Variants in KCNJ10 observed in about 807,000 individuals in gnomAD.
KCNJ10 encodes ATP-sensitive inward rectifier potassium channel 10.
A neutral mutation model predicts 22.2 loss-of-function variants in KCNJ10; 9 were observed. That is an observed-to-expected ratio of 0.40 (90% CI 0.24 to 0.71). KCNJ10 has a LOEUF of 0.71. Ranked by LOEUF, KCNJ10 falls within the 30% of genes least tolerant of loss-of-function variation. KCNJ10 has a pLI of 0.35. For synonymous variants in KCNJ10, 184 were observed against 187.3 expected, an observed-to-expected ratio of 0.98 and a Z score of 0.15; for missense variants, 337 against 482.7, an observed-to-expected ratio of 0.70 and a Z score of 2.83.
chr1:160,049,717 A>ATATATG (rs1648855576), intron 1 of KCNJ10, among the ~76,000 whole-genome samples: 1 of 113,778 alleles, frequency 8.8e-6, no homozygotes, highest in African/African-American at 3.4e-5. Flanking sequence ...ATATATATAT[A>ATATATG]TATGTTATCC....
chr1:160,067,767 G>T (rs1649355094), intron 1 of KCNJ10: 1 of 152,170 alleles, frequency 6.6e-6, no homozygotes, highest in Admixed American at 6.5e-5. Flanking sequence ...TTTCCATCTT[G>T]TGTGCAGAAA....
intron 1 of KCNJ10, among the ~76,000 whole-genome samples, chr1:160,043,949 C>T (rs577339765): frequency 6.6e-6 from 1 of 152,286 alleles, no homozygotes; most frequent in East Asian, 1.9e-4. Flanking sequence ...GGAGTTTAGC[C>T]CTTCTTGGAG....
At chr1:160,068,821 G>T (rs1028212864) in intron 1 of KCNJ10, among the ~76,000 whole-genome samples, 12 of 152,174 alleles carry the variant, frequency 7.9e-5, no homozygotes, top group African/African-American at 2.9e-4. Flanking sequence ...ACTCACTGGT[G>T]GCTGCCCACC....
Position 160,039,393 on chromosome 1 carries a change from CA to C in KCNJ10, c.*1999del. 1 of 150,546 alleles carries C rather than the reference CA, an allele frequency of 6.6e-6. No individual in the cohort carries two copies. Among genetic ancestry groups the C allele is most frequent in the African/African-American group, 2.5e-5 (1 of 39,366 alleles). 9.3% of individuals were successfully genotyped at this position (150,546 alleles called of 1,614,324 possible). A position where few individuals can be genotyped will look rare whatever the true frequency, so the allele number is the denominator to read the frequency against. ...GTATAGACACACACACACACACACA[CA>C]CACACACACACACACACACACACAC... On this transcript the variant is annotated 3_prime_UTR_variant, in exon 2 of 2. Transcript: ENST00000644903.
chr1:160,058,808 C>T (rs1024678246), intron 1 of KCNJ10, among the ~76,000 whole-genome samples: 1 of 152,228 alleles, frequency 6.6e-6, no homozygotes, highest in Admixed American at 6.5e-5. Context: ...CAAAACCTCT[C>T]GGTTCTTGAA....
At chr1:160,052,150 C>T (rs189231645) in intron 1 of KCNJ10, among the ~76,000 whole-genome samples, 38 of 152,282 alleles carry the variant, frequency 2.5e-4, no homozygotes, top group African/African-American at 8.4e-4. Context: ...AGAAAAGAGC[C>T]TTTTGATTGA....
At chr1:160,069,524 C>T (rs1371708505) in intron 1 of KCNJ10, among the ~76,000 whole-genome samples, 3 of 152,094 alleles carry the variant, frequency 2.0e-5, no homozygotes, top group Admixed American at 2.0e-4. Flanking sequence ...GCTTTGGTGG[C>T]TCCCCGGTTT....
chr1:160,063,013 G>A (rs979511486), intron 1 of KCNJ10, among the ~76,000 whole-genome samples: 4 of 152,188 alleles, frequency 2.6e-5, no homozygotes, highest in Admixed American at 1.3e-4. Context: ...GGTGGAGCTG[G>A]AAGCCCAGCT....
chr1:160,049,143 G>A (rs1428128382), intron 1 of KCNJ10, among the ~76,000 whole-genome samples: 5 of 152,124 alleles, frequency 3.3e-5, no homozygotes, highest in South Asian at 2.1e-4. Flanking sequence ...CCCAGGTCCC[G>A]TCTCCCAAAT....
chr1:160,043,595 G>A (rs960441971), intron 1 of KCNJ10, among the ~76,000 whole-genome samples: 1 of 152,200 alleles, frequency 6.6e-6, no homozygotes, highest in African/African-American at 2.4e-5. Flanking sequence ...GAAACAACAT[G>A]TTAAAACTTC....
intron 1 of KCNJ10, among the ~76,000 whole-genome samples, chr1:160,066,878 T>A (rs1331334514): frequency 6.6e-6 from 1 of 152,176 alleles, no homozygotes; most frequent in Non-Finnish European, 1.5e-5. Flanking sequence ...GTTTTTTTGG[T>A]CCAGAAAGTG....
intron 1 of KCNJ10, among the ~76,000 whole-genome samples, chr1:160,042,810 G>A (rs1478749460): frequency 2.6e-5 from 4 of 151,870 alleles, no homozygotes; most frequent in Non-Finnish European, 2.9e-5. Context: ...GGTGGCATGC[G>A]CCTGTAGTCC....
At chr1:160,063,095 C>T (rs1649240671) in intron 1 of KCNJ10, among the ~76,000 whole-genome samples, 1 of 152,186 alleles carries the variant, frequency 6.6e-6, no homozygotes, top group Non-Finnish European at 1.5e-5. Flanking sequence ...TCCCCATCTG[C>T]CTCCTCCTGT....
chr1:160,062,973 C>G (rs913901879), intron 1 of KCNJ10, among the ~76,000 whole-genome samples: 1 of 152,142 alleles, frequency 6.6e-6, no homozygotes, highest in Admixed American at 6.5e-5. Context: ...CACCTGTGCT[C>G]TTCCAGGGAA....
At chr1:160,055,527 C>T (rs939050282) in intron 1 of KCNJ10, among the ~76,000 whole-genome samples, 4 of 152,128 alleles carry the variant, frequency 2.6e-5, no homozygotes, top group Admixed American at 6.5e-5. Context: ...GTAGCTCTGC[C>T]ATTTCTAGGT....
chr1:160,053,859 G>A (rs567315327), intron 1 of KCNJ10, among the ~76,000 whole-genome samples: 1 of 152,192 alleles, frequency 6.6e-6, no homozygotes, highest in Non-Finnish European at 1.5e-5. Context: ...TGTAACCTCT[G>A]CATGGCCCTT....
chr1:160,060,597 A>T (rs1034958341), intron 1 of KCNJ10, among the ~76,000 whole-genome samples: 5 of 152,172 alleles, frequency 3.3e-5, no homozygotes, highest in Admixed American at 3.3e-4. Context: ...AACCAATATC[A>T]GCTTAGTTCT....
Position 160,041,520 on chromosome 1 carries a change from G to C in KCNJ10, c.1013C>G (p.Ser338Cys), listed in dbSNP as rs1271578504. Residue 338 changes from serine to cysteine, a missense_variant, in exon 2 of 2, where the codon TCT becomes TGT. Around this residue, in one of 3 missense-constraint regions of KCNJ10, gnomAD observed 65 missense variants for 66.0 expected, o/e 0.98. Coordinates refer to ENST00000644903, the MANE Select transcript of KCNJ10 (RefSeq NM_002241.5). This position sits in a 1 kb window ranked among gnomAD's most constrained non-coding sequence, Gnocchi z 4.4. ...SLFDQVVKVA[S>C]PSGLRDSTVR... is the part of the protein sequence containing the mutation. ...AGTGCTGTCACGGAGGCCACTAGGA[G>C]AGGCCACTTTCACAACTTGGTCAAA... The C allele has an allele frequency of 1.2e-6, 2 of 1,614,208 alleles. No individual in the cohort carries two copies. Among genetic ancestry groups the C allele is most frequent in the Non-Finnish European group, 1.7e-6 (2 of 1,180,038 alleles).
intron 1 of KCNJ10, among the ~76,000 whole-genome samples, chr1:160,048,970 CA>C (rs1359880049): frequency 6.6e-6 from 1 of 152,174 alleles, no homozygotes; most frequent in African/African-American, 2.4e-5. Flanking sequence ...CACCTCTGAT[CA>C]GGAATCAATG....
Sources: allele counts gnomAD v4.1 joint callset (sites outside exome capture counted in the v4.1 genomes callset), GRCh38; gene constraint gnomAD v4.1.1; regional missense constraint gnomAD v4.1.1; non-coding constraint Gnocchi (gnomAD v3.1); transcripts MANE v1.5; gene names NCBI Gene and HGNC (gene_info 2026-07-23, HGNC 2026-07-21).